The following NTNG1 variants were observed in gnomAD, a reference collection of about 807,000 sequenced individuals.
The protein encoded by NTNG1 is netrin G1.
NTNG1 carries 16 observed loss-of-function variants against 54.0 expected under a neutral mutation model. The observed-to-expected ratio is 0.30, with a 90% CI of 0.20 to 0.45. The LOEUF is 0.45. NTNG1 is among the 20% of genes least tolerant of loss of function. The pLI, the probability that NTNG1 is intolerant of heterozygous loss-of-function variation, is 1.00. For missense variants in NTNG1, 530 were observed against 678.7 expected, an observed-to-expected ratio of 0.78 and a Z score of 2.43; for synonymous variants, 255 against 263.1, an observed-to-expected ratio of 0.97 and a Z score of 0.30.
chr1:107,393,828 A>G (rs1197371162), intron 3 of NTNG1, among the ~76,000 whole-genome samples: 1 of 152,162 alleles, frequency 6.6e-6, no homozygotes, highest in East Asian at 1.9e-4. Context: ...ACATTAGAGA[A>G]GCCAACATGG....
chr1:107,383,200 A>G (rs1671753578), intron 3 of NTNG1, among the ~76,000 whole-genome samples: 3 of 152,232 alleles, frequency 2.0e-5, no homozygotes, highest in Admixed American at 2.0e-4. Flanking sequence ...AAGAGATATC[A>G]AAACCTTACC....
At chr1:107,414,400 T>A (rs557455617) in intron 5 of NTNG1, among the ~76,000 whole-genome samples, 100 of 152,294 alleles carry the variant, frequency 6.6e-4, no homozygotes, top group African/African-American at 2.3e-3. Flanking sequence ...TCTAAGCTGA[T>A]GTGGTTCTAA....
chr1:107,334,474 G>T (rs1668463660), intron 3 of NTNG1, among the ~76,000 whole-genome samples: 1 of 151,710 alleles, frequency 6.6e-6, no homozygotes, highest in African/African-American at 2.4e-5. Flanking sequence ...GCCAAGAGAT[G>T]ATGGGTGGGG....
At chr1:107,348,175 G>C (rs998387262) in intron 3 of NTNG1, among the ~76,000 whole-genome samples, 1 of 151,762 alleles carries the variant, frequency 6.6e-6, no homozygotes, top group African/African-American at 2.4e-5. Flanking sequence ...GTCCAGGCTG[G>C]AGTGCAGTGG....
chr1:107,411,550 C>T lies in NTNG1; in HGVS notation c.1087+3842C>T, dbSNP rs72701210. Reference sequence around the variant, plus strand: ...TTCCCACCCAAGAGTTATTAATAATCGCATTCATGTTATACAGAGAGCTGC... The same window carrying T: ...TTCCCACCCAAGAGTTATTAATAATTGCATTCATGTTATACAGAGAGCTGC... On this transcript the variant is annotated intron_variant, in intron 5 of 7. Transcript: ENST00000370068. 9.8e-3 allele frequency among the ~76,000 whole-genome samples: 1,495 copies of T among 152,184 alleles called. 17 individuals are homozygous for T. Among genetic ancestry groups the T allele is most frequent in the South Asian group, 0.041 (199 of 4,808 alleles).
intron 2 of NTNG1, among the ~76,000 whole-genome samples, chr1:107,306,045 C>A (rs1666678073): frequency 1.3e-5 from 2 of 152,148 alleles, no homozygotes; most frequent in African/African-American, 4.8e-5. Context: ...TCAGTCTAGG[C>A]TGTGAGAAGT....
rs1328151793 is a variant in NTNG1, at chr1:107,381,964, CAA to C, written c.888-13188_888-13187del. Among the ~76,000 whole-genome samples, 3 of 152,262 alleles carry C rather than the reference CAA, an allele frequency of 2.0e-5. No individual in the cohort carries two copies. In the East Asian group the frequency reaches 5.8e-4, roughly 29 times the overall value. Reference sequence around the variant, plus strand: ...GGACTTGTCTCTCCCATGATCTCAGCAAAGGCCCCAGGGCCAATTTTCATAGT... The same window carrying C: ...GGACTTGTCTCTCCCATGATCTCAGCAGGCCCCAGGGCCAATTTTCATAGT... On this transcript the variant is annotated intron_variant, in intron 3 of 7. Transcript: ENST00000370068.
intron 3 of NTNG1, among the ~76,000 whole-genome samples, chr1:107,356,099 A>AAGT (rs1345300748): frequency 6.6e-6 from 1 of 152,150 alleles, no homozygotes; most frequent in Non-Finnish European, 1.5e-5. Context: ...AGTGCCTGGA[A>AAGT]AGTGTCTCCA....
intron 1 of NTNG1, among the ~76,000 whole-genome samples, chr1:107,146,387 T>C (rs1654118447): frequency 6.6e-6 from 1 of 152,092 alleles, no homozygotes; most frequent in South Asian, 2.1e-4. Context: ...AAATGTAAAT[T>C]TGTATCATTT....
intron 2 of NTNG1, among the ~76,000 whole-genome samples, chr1:107,309,302 G>A (rs1666867037): frequency 6.6e-6 from 1 of 152,060 alleles, no homozygotes; most frequent in Non-Finnish European, 1.5e-5. Context: ...TCATGTTTGA[G>A]AATTAGGCAA....
chr1:107,241,825 C>G (rs932727544), intron 2 of NTNG1, among the ~76,000 whole-genome samples: 9 of 152,216 alleles, frequency 5.9e-5, no homozygotes, highest in Middle Eastern at 3.4e-3. Flanking sequence ...ATATAATTGT[C>G]TTTAAAATCT....
chr1:107,465,667 G>A (rs1677557434), intron 7 of NTNG1, among the ~76,000 whole-genome samples: 1 of 152,124 alleles, frequency 6.6e-6, no homozygotes. Flanking sequence ...GACATATCTG[G>A]AGCAGAGACA....
intron 2 of NTNG1, among the ~76,000 whole-genome samples, chr1:107,269,733 T>A (rs898933898): frequency 6.6e-6 from 1 of 152,252 alleles, no homozygotes; most frequent in Non-Finnish European, 1.5e-5. Flanking sequence ...AAGATTCTTA[T>A]GGTTGTAAAC....
chr1:107,198,252 G>T (rs568801157), intron 2 of NTNG1, among the ~76,000 whole-genome samples: 1 of 152,040 alleles, frequency 6.6e-6, no homozygotes, highest in East Asian at 1.9e-4. Flanking sequence ...ACTTATGGAT[G>T]TGCTCTTGGC....
intron 2 of NTNG1, among the ~76,000 whole-genome samples, chr1:107,189,650 C>G (rs1657753204): frequency 6.6e-6 from 1 of 151,908 alleles, no homozygotes; most frequent in Non-Finnish European, 1.5e-5. Flanking sequence ...AAAAAATATC[C>G]TAGCTGAATG....
chr1:107,247,165 A>G (rs1218507626), intron 2 of NTNG1, among the ~76,000 whole-genome samples: 2 of 152,344 alleles, frequency 1.3e-5, no homozygotes, highest in East Asian at 1.9e-4. Flanking sequence ...CACTCATGCA[A>G]TTGGTCATTT....
intron 2 of NTNG1, among the ~76,000 whole-genome samples, chr1:107,235,940 G>T (rs1341955692): frequency 6.6e-6 from 1 of 152,044 alleles, no homozygotes; most frequent in Non-Finnish European, 1.5e-5. Flanking sequence ...CTCACACTCT[G>T]CCCCCACACC....
At chr1:107,149,533 A>G (rs1032801245) in intron 2 of NTNG1, among the ~76,000 whole-genome samples, 1 of 152,204 alleles carries the variant, frequency 6.6e-6, no homozygotes, top group African/African-American at 2.4e-5. Flanking sequence ...AAATTCAGAT[A>G]CTTTTTTTTG....
At chr1:107,426,889 G>A (rs903612585) in intron 5 of NTNG1, among the ~76,000 whole-genome samples, 1 of 151,888 alleles carries the variant, frequency 6.6e-6, no homozygotes, top group South Asian at 2.1e-4. Flanking sequence ...TTGTAGAGAT[G>A]TTTCATCTCT....
Sources: gnomAD v4.1 joint callset for allele counts (sites outside exome capture counted in the v4.1 genomes callset) on GRCh38, gnomAD v4.1.1 for gene constraint, MANE v1.5 for transcripts, NCBI Gene and HGNC (gene_info 2026-07-23, HGNC 2026-07-21) for gene names.